NEO1: variants seen among roughly 807,000 people sequenced by gnomAD.
The protein encoded by NEO1 is neogenin.
A neutral mutation model predicts 159.7 loss-of-function variants in NEO1; 63 were observed. That is an observed-to-expected ratio of 0.39 (90% CI 0.32 to 0.49). NEO1 has a LOEUF of 0.49. Ranked by LOEUF, NEO1 falls within the 20% of genes least tolerant of loss-of-function variation. The pLI is 0.85. For missense variants in NEO1, 1,615 were observed against 1,831.0 expected, an observed-to-expected ratio of 0.88 and a Z score of 2.15; for synonymous variants, 633 against 662.0, an observed-to-expected ratio of 0.96 and a Z score of 0.67.
At position 73,254,767 on chromosome 15, in the gene NEO1, C is replaced by T; in HGVS notation, c.2030C>T (p.Ser677Phe). The T allele has an allele frequency of 6.2e-7, 1 of 1,614,098 alleles. No homozygotes were observed. The highest frequency in any genetic ancestry group is 1.7e-5 in the Admixed American group (1 of 60,006). Residue 677 changes from serine to phenylalanine, a missense_variant, in exon 13 of 29, where the codon TCC (serine) becomes TTC (phenylalanine). Coordinates refer to ENST00000261908, the MANE Select transcript of NEO1 (RefSeq NM_002499.4). The stretch of plus-strand genomic sequence containing the variant: ...TACAAGATTCGCTACCGAAAGGCCT[C>T]CCGAAAGAGTGATGTCACTGAGACC... ...TGYKIRYRKA[S>F]RKSDVTETLV...
chr15:73,093,170 G>A (rs1004527429), intron 1 of NEO1, among the ~76,000 whole-genome samples: 2 of 152,188 alleles, frequency 1.3e-5, no homozygotes, highest in African/African-American at 4.8e-5. Context: ...TGACCACAGA[G>A]GTAAAGTGCC....
At chr15:73,227,464 C>A (rs990343573) in intron 7 of NEO1, among the ~76,000 whole-genome samples, 3 of 152,156 alleles carry the variant, frequency 2.0e-5, no homozygotes, top group African/African-American at 7.2e-5. Flanking sequence ...CCACTGCACT[C>A]CAGCCTGGGC....
rs869029902 is a variant in NEO1 at position 73,279,351 on chromosome 15, G to GTTTTTTTTTTTTTTTTTTTTTTTTTTTTT, written c.3262+1167_3262+1168insTTTTTTTTTTTTTTTTTTTTTTTTTTTTT. 1.6e-4 allele frequency among the ~76,000 whole-genome samples: 19 copies of GTTTTTTTTTTTTTTTTTTTTTTTTTTTTT among 119,348 alleles called. 2 individuals carry two copies. Among genetic ancestry groups the GTTTTTTTTTTTTTTTTTTTTTTTTTTTTT allele is most frequent in the East Asian group, 7.0e-4 (3 of 4,310 alleles). 78.3% of individuals were successfully genotyped at this position (119,348 alleles called of 152,430 possible). A position where few individuals can be genotyped will look rare whatever the true frequency, so the allele number is the denominator to read the frequency against. ...ATGTTTTTTTGTTGTTTTGGTTTTG[G>GTTTTTTTTTTTTTTTTTTTTTTTTTTTTT]TTTTTTTTTTTTTTTGAGATGGAAT... On this transcript the variant is annotated intron_variant, in intron 22 of 28. Transcript: ENST00000261908.
At chr15:73,156,462 TGTA>T (rs1466981643) in intron 5 of NEO1, among the ~76,000 whole-genome samples, 2 of 152,164 alleles carry the variant, frequency 1.3e-5, no homozygotes. Context: ...AAATGCCTGT[TGTA>T]GTAGAGGTAG....
At chr15:73,091,591 C>A (rs1595952471) in intron 1 of NEO1, among the ~76,000 whole-genome samples, 1 of 152,192 alleles carries the variant, frequency 6.6e-6, no homozygotes, top group East Asian at 1.9e-4. Flanking sequence ...GAGACAGGGT[C>A]TCACTCTGTG....
chr15:73,247,929 T>G (rs1037714781), intron 9 of NEO1, among the ~76,000 whole-genome samples: 10 of 152,146 alleles, frequency 6.6e-5, no homozygotes, highest in Admixed American at 5.9e-4. Context: ...TCCAGTCACA[T>G]ACATCCTATC....
intron 28 of NEO1, 69 bp from the exon 29 acceptor site, chr15:73,302,542 CCT>C: frequency 7.1e-7 from 1 of 1,415,096 alleles, no homozygotes; most frequent in Admixed American, 1.9e-5. Flanking sequence ...GAGGCTTTGG[CCT>C]CTCTCTGGGC....
chr15:73,167,425 C>A (rs113931143), intron 5 of NEO1, among the ~76,000 whole-genome samples: 8,068 of 152,262 alleles, frequency 0.053, 297 homozygotes, highest in Non-Finnish European at 0.066. Context: ...GTGCCTGGAA[C>A]TTCTCTTGAA....
chr15:73,278,990 C>T (rs144058954), intron 22 of NEO1, among the ~76,000 whole-genome samples: 64 of 152,298 alleles, frequency 4.2e-4, no homozygotes, highest in Admixed American at 2.0e-3. Flanking sequence ...ACTGTCTCTT[C>T]ACATGTGGAA....
chr15:73,120,340 T>G (rs983509765), intron 2 of NEO1, among the ~76,000 whole-genome samples: 1 of 151,064 alleles, frequency 6.6e-6, no homozygotes, highest in Admixed American at 6.6e-5. Context: ...AAAAAGCAGA[T>G]TTTTTAGATA....
intron 3 of NEO1, among the ~76,000 whole-genome samples, chr15:73,124,029 C>CGTGT: frequency 6.6e-6 from 1 of 151,590 alleles, no homozygotes; most frequent in East Asian, 1.9e-4. Flanking sequence ...TGCGTTTGTG[C>CGTGT]GTGTGTGTGT....
intron 7 of NEO1, among the ~76,000 whole-genome samples, chr15:73,207,057 T>A (rs1832680833): frequency 6.6e-6 from 1 of 152,150 alleles, no homozygotes; most frequent in South Asian, 2.1e-4. Flanking sequence ...TTTCTGTAAT[T>A]TTAAGAGATT....
intron 27 of NEO1, chr15:73,300,009 T>G (rs772558770): frequency 1.3e-5 from 2 of 152,258 alleles, no homozygotes; most frequent in Admixed American, 6.5e-5. Context: ...CTATGAAATA[T>G]TCATACTTCA....
rs764784016 is a variant in NEO1 at position 73,116,617 on chromosome 15, G to A, written c.208G>A (p.Val70Ile). Residue 70 changes from valine to isoleucine, a missense_variant, in exon 2 of 29, where the codon GTT becomes ATT. By Grantham distance (29) the Val-to-Ile change is conservative. This residue lies in a region of NEO1 where 1,018 missense variants were observed against 1,115.4 expected (regional missense o/e 0.91). Coordinates refer to ENST00000261908, the MANE Select transcript of NEO1 (RefSeq NM_002499.4). ...TACACTCTCAGTTAGAGGCTCTTCTGTTATATTAAACTGTTCAGCATATTC... is the reference window on the plus strand; with the variant it reads ...TACACTCTCAGTTAGAGGCTCTTCTATTATATTAAACTGTTCAGCATATTC... ...VDTLSVRGSSVILNCSAYSEP... is the reference protein window; with the variant it reads ...VDTLSVRGSSIILNCSAYSEP... The A allele has an allele frequency of 1.9e-6, 3 of 1,610,060 alleles. No individual in the cohort carries two copies. The highest frequency in any genetic ancestry group is 3.4e-5 in the Admixed American group (2 of 59,204).
At chr15:73,158,977 G>A (rs183806999) in intron 5 of NEO1, among the ~76,000 whole-genome samples, 1 of 152,298 alleles carries the variant, frequency 6.6e-6, no homozygotes, top group African/African-American at 2.4e-5. Context: ...TTAAGACAGT[G>A]AGTAGCGAGG....
At chr15:73,185,388 A>G (rs1213910826) in intron 7 of NEO1, among the ~76,000 whole-genome samples, 3 of 152,136 alleles carry the variant, frequency 2.0e-5, no homozygotes, top group Non-Finnish European at 2.9e-5. Flanking sequence ...GGCAGAGGAA[A>G]TTTTGGTACC....
intron 7 of NEO1, among the ~76,000 whole-genome samples, chr15:73,187,578 G>C (rs983422354): frequency 1.3e-5 from 2 of 152,066 alleles, no homozygotes; most frequent in Admixed American, 1.3e-4. Context: ...CCTGACATTT[G>C]GTCTCTGTTT....
chr15:73,252,780 A>G (rs1215970667), intron 11 of NEO1, among the ~76,000 whole-genome samples: 1 of 152,144 alleles, frequency 6.6e-6, no homozygotes, highest in Non-Finnish European at 1.5e-5. Flanking sequence ...ACCTGAGGTC[A>G]GGAGTTCAAG....
chr15:73,107,518 G>A (rs1213195368), intron 1 of NEO1, among the ~76,000 whole-genome samples: 1 of 152,156 alleles, frequency 6.6e-6, no homozygotes, highest in Non-Finnish European at 1.5e-5. Context: ...TAGAATACTA[G>A]TATCATTGCC....
Sources: gnomAD v4.1 joint callset for allele counts (sites outside exome capture counted in the v4.1 genomes callset) on GRCh38, gnomAD v4.1.1 for gene constraint, gnomAD v4.1.1 regional missense constraint, MANE v1.5 for transcripts, NCBI Gene and HGNC (gene_info 2026-07-23, HGNC 2026-07-21) for gene names.